The following CDH13 variants were observed in gnomAD, a reference collection of about 807,000 sequenced individuals.
CDH13 encodes the protein cadherin 13, also known as cadherin-13.
In CDH13, 24 loss-of-function variants were observed where a neutral mutation model predicts 63.8. The observed-to-expected ratio is 0.38, with a 90% CI of 0.27 to 0.53. CDH13 has a LOEUF of 0.53. Ranked by LOEUF, CDH13 falls within the 20% of genes least tolerant of loss-of-function variation. The pLI is 0.85. For missense variants in CDH13, 1,049 were observed against 903.1 expected (o/e 1.16, Z -2.07); for synonymous variants, 503 against 355.3 (o/e 1.42, Z -4.67).
chr16:83,287,726 A>C (rs1191084829), intron 5 of CDH13, among the ~76,000 whole-genome samples: 1 of 152,118 alleles, frequency 6.6e-6, no homozygotes, highest in Non-Finnish European at 1.5e-5. Context: ...GTGCACCATA[A>C]ATTTAATGTG....
At chr16:82,698,591 C>T (rs912103510) in intron 1 of CDH13, among the ~76,000 whole-genome samples, 15 of 152,082 alleles carry the variant, frequency 9.9e-5, no homozygotes, top group Admixed American at 2.6e-4. Context: ...GTTTTTAGAG[C>T]ATTGGAGGAG....
At chr16:83,372,002 T>A (rs560005735) in intron 6 of CDH13, among the ~76,000 whole-genome samples, 1 of 152,326 alleles carries the variant, frequency 6.6e-6, no homozygotes, top group South Asian at 2.1e-4. Context: ...TGGCCCAATA[T>A]GTAGGTTATT....
intron 1 of CDH13, among the ~76,000 whole-genome samples, chr16:82,768,206 T>C (rs1211974351): frequency 6.6e-6 from 1 of 152,184 alleles, no homozygotes. Flanking sequence ...AATTGCAAGC[T>C]GATGTCTTAC....
At chr16:83,516,761 A>G (rs771989787) in intron 7 of CDH13, among the ~76,000 whole-genome samples, 2 of 152,256 alleles carry the variant, frequency 1.3e-5, no homozygotes, top group Non-Finnish European at 2.9e-5. Context: ...TGGAATTTAT[A>G]ACTTAGTAGA....
chr16:82,757,950 C>A (rs2034681281), intron 1 of CDH13, among the ~76,000 whole-genome samples: 1 of 152,136 alleles, frequency 6.6e-6, no homozygotes, highest in South Asian at 2.1e-4. Flanking sequence ...CACCTGGCCG[C>A]CACAGCTTCT....
chr16:82,986,416 C>G (rs1308336243), intron 2 of CDH13, among the ~76,000 whole-genome samples: 1 of 152,194 alleles, frequency 6.6e-6, no homozygotes, highest in African/African-American at 2.4e-5. Flanking sequence ...CACAAAAGCC[C>G]TTTTTCAGAA....
At chr16:83,563,372 A>G (rs953620892) in intron 7 of CDH13, among the ~76,000 whole-genome samples, 2 of 152,216 alleles carry the variant, frequency 1.3e-5, no homozygotes, top group African/African-American at 4.8e-5. Context: ...TTCAAACACA[A>G]CATGATAAAA....
At chr16:83,705,481 G>T (rs1408515098) in intron 10 of CDH13, among the ~76,000 whole-genome samples, 1 of 152,096 alleles carries the variant, frequency 6.6e-6, no homozygotes, top group African/African-American at 2.4e-5. Context: ...AATTAGCCGG[G>T]CATGATGGTG....
intron 6 of CDH13, among the ~76,000 whole-genome samples, chr16:83,384,876 C>T (rs985664107): frequency 1.3e-5 from 2 of 152,204 alleles, no homozygotes; most frequent in African/African-American, 4.8e-5. Context: ...CATGAGTTGT[C>T]GTGTGTAACA....
chr16:83,400,514 C>G (rs947304919), intron 6 of CDH13, among the ~76,000 whole-genome samples: 2 of 152,178 alleles, frequency 1.3e-5, no homozygotes, highest in African/African-American at 2.4e-5. Context: ...ATTTGGCAAC[C>G]CTGGGTTCTC....
intron 13 of CDH13, among the ~76,000 whole-genome samples, chr16:83,792,626 A>AC (rs903536242): frequency 1.1e-4 from 17 of 152,182 alleles, no homozygotes; most frequent in African/African-American, 4.1e-4. Flanking sequence ...ACAGGACAGC[A>AC]CCCCCCACAA....
chr16:83,592,334 C>T lies in CDH13; in HGVS notation c.961-10120C>T, dbSNP rs117324466. Among the ~76,000 whole-genome samples the T allele has an allele frequency of 2.3e-4, 35 of 152,318 alleles. No individual in the cohort carries two copies. The East Asian group carries it at 5.2e-3, about 23-fold the overall frequency. On this transcript the variant is annotated intron_variant, in intron 7 of 13. Transcript: ENST00000567109. ...CACTTATCTCATCTGACCTTACGTA[C>T]TTGCCTTTTGTTCATCTCTCTGGAC...
chr16:82,927,245 A>G (rs2151289545), intron 2 of CDH13, among the ~76,000 whole-genome samples: 1 of 152,282 alleles, frequency 6.6e-6, no homozygotes, highest in African/African-American at 2.4e-5. Context: ...ATTTTATAGC[A>G]GTTGGGGCAG....
chr16:82,721,151 G>C (rs1457517791), intron 1 of CDH13, among the ~76,000 whole-genome samples: 2 of 152,146 alleles, frequency 1.3e-5, no homozygotes, highest in African/African-American at 4.8e-5. Context: ...CATTCATTGA[G>C]CACCTACAGT....
At chr16:83,496,194 A>G (rs1332009354) in intron 7 of CDH13, among the ~76,000 whole-genome samples, 1 of 152,028 alleles carries the variant, frequency 6.6e-6, no homozygotes, top group Non-Finnish European at 1.5e-5. Flanking sequence ...AAGAGCCCGC[A>G]TCGCCAAGTC....
chr16:83,718,468 T>A (rs1909240556), intron 10 of CDH13, among the ~76,000 whole-genome samples: 1 of 152,174 alleles, frequency 6.6e-6, no homozygotes, highest in South Asian at 2.1e-4. Context: ...CAAGGGGGAT[T>A]GGGGTTGCTA....
chr16:83,470,003 C>T (rs1431051935), intron 6 of CDH13, among the ~76,000 whole-genome samples: 5 of 152,116 alleles, frequency 3.3e-5, no homozygotes, highest in Admixed American at 2.0e-4. Flanking sequence ...TTTACTTGGC[C>T]GTAGTCTCTG....
intron 5 of CDH13, among the ~76,000 whole-genome samples, chr16:83,320,467 A>G (rs1305991131): frequency 6.6e-6 from 1 of 152,220 alleles, no homozygotes; most frequent in Non-Finnish European, 1.5e-5. Context: ...TGGACACAGG[A>G]TGAAACAGTT....
At chr16:82,925,166 G>A (rs2042266347) in intron 2 of CDH13, among the ~76,000 whole-genome samples, 1 of 152,130 alleles carries the variant, frequency 6.6e-6, no homozygotes, top group African/African-American at 2.4e-5. Context: ...CCCTCTGTCA[G>A]GGGCTGCCTC....
Sources: gnomAD v4.1 joint callset for allele counts (sites outside exome capture counted in the v4.1 genomes callset) on GRCh38, gnomAD v4.1.1 for gene constraint, MANE v1.5 for transcripts, NCBI Gene and HGNC (gene_info 2026-07-23, HGNC 2026-07-21) for gene names.